ZNF616: variants seen among roughly 807,000 people sequenced by gnomAD.
The protein encoded by ZNF616 is zinc finger protein 616.
ZNF616 carries 5 observed loss-of-function variants against 7.6 expected under a neutral mutation model. The ratio of observed to expected loss-of-function variants is 0.66; its 90% CI spans 0.34 to 1.38. The LOEUF (loss-of-function observed/expected upper bound fraction) is 1.38. Among genes scored for constraint, ZNF616 ranks in the 40% most tolerant of loss-of-function variants. The probability of loss-of-function intolerance (pLI) is 0.04; values close to 1 mark genes in which losing one functional copy is unlikely to be tolerated. For missense variants in ZNF616, 913 were observed against 948.3 expected, an observed-to-expected ratio of 0.96 and a Z score of 0.49; for synonymous variants, 319 against 317.2, an observed-to-expected ratio of 1.01 and a Z score of -0.06.
intron 1 of ZNF616, among the ~76,000 whole-genome samples, chr19:52,137,721 T>C (rs151302302): frequency 6.6e-6 from 1 of 152,316 alleles, no homozygotes; most frequent in African/African-American, 2.4e-5. Flanking sequence ...TTTACCGCAC[T>C]GGACGCTTTA....
intron 1 of ZNF616, chr19:52,138,461 C>T (rs1241515216): frequency 6.6e-6 from 1 of 152,224 alleles, no homozygotes; most frequent in Non-Finnish European, 1.5e-5. Flanking sequence ...CCAATCAACT[C>T]ACAGCTCATC....
intron 1 of ZNF616, among the ~76,000 whole-genome samples, chr19:52,136,419 A>T (rs565057970): frequency 6.6e-6 from 1 of 152,174 alleles, no homozygotes; most frequent in South Asian, 2.1e-4. Context: ...ATTGCACTCC[A>T]GCCTGGGCAA....
At chr19:52,126,747 C>T (rs1291787749) in intron 2 of ZNF616, among the ~76,000 whole-genome samples, 3 of 151,832 alleles carry the variant, frequency 2.0e-5, no homozygotes, top group East Asian at 1.9e-4. Flanking sequence ...CCAGCCTGGG[C>T]GACAGAGCGA....
chr19:52,115,190 G>A lies in ZNF616; in HGVS notation c.1974C>T (p.Asp658=), dbSNP rs116729342. The part of the protein sequence containing the change: ...LRLHQTVHTG[D]RPYKCNECGK... ...CACACTCATTACATTTGTAAGGTCT[G>A]TCTCCAGTATGAACAGTCTGATGAA... is the stretch of plus-strand genomic sequence containing the variant. Residue 658 remains aspartate (D), a synonymous_variant, in exon 4 of 4, where the codon GAC becomes GAT. Transcript: ENST00000600228. The A allele has an allele frequency of 5.4e-4, 873 of 1,614,114 alleles. 5 individuals carry two copies. In the African/African-American group the frequency reaches 0.01, roughly 19 times the overall value.
In ZNF616 at chr19:52,115,347, T is replaced by C. The variant is rs1315629885; in HGVS notation, c.1817A>G (p.Lys606Arg). 6.2e-7 allele frequency: 1 copy of C among 1,613,976 alleles called. No individual in the cohort carries two copies. Among genetic ancestry groups the C allele is most frequent in the East Asian group, 2.2e-5 (1 of 44,882 alleles). Residue 606 changes from lysine (K) to arginine (R), a missense_variant, in exon 4 of 4, where the codon AAA (lysine) becomes AGA (arginine). Transcript: ENST00000600228. ...RRVHTGEKPYKCHECGKAFNQ... is the reference protein window; with the variant it reads ...RRVHTGEKPYRCHECGKAFNQ... ...AAAGGCTTTGCCACATTCATGACAT[T>C]TGTATGGTTTCTCTCCAGTATGAAC...
rs887581722 is a variant in ZNF616 at position 52,134,403 on chromosome 19, G to A, written c.-76-3815C>T. The stretch of plus-strand genomic sequence containing the variant: ...CTGGTAAATGTGTTTCTCTAAGTTC[G>A]GTGAGCCATCCTAGCAAATTAATCA... On this transcript the variant is annotated intron_variant, in intron 1 of 3. Coordinates refer to ENST00000600228, the MANE Select transcript of ZNF616 (RefSeq NM_178523.5). 7.9e-5 allele frequency among the ~76,000 whole-genome samples: 12 copies of A among 152,242 alleles called. 1 individual carries two copies. The highest frequency in any genetic ancestry group is 1.3e-4 in the Admixed American group (2 of 15,288).
chr19:52,118,439 T>C (rs1335506147), intron 3 of ZNF616, among the ~76,000 whole-genome samples: 1 of 152,226 alleles, frequency 6.6e-6, no homozygotes, highest in Non-Finnish European at 1.5e-5. Context: ...AAAATTCCTA[T>C]GTTGAGGACC....
chr19:52,135,832 A>G (rs560772016), intron 1 of ZNF616, among the ~76,000 whole-genome samples: 3 of 152,286 alleles, frequency 2.0e-5, no homozygotes, highest in African/African-American at 7.2e-5. Flanking sequence ...TGCCTTTTAA[A>G]GTTCTTTGAT....
chr19:52,115,270 GTT>G lies in ZNF616; in HGVS notation c.1892_1893del (p.Lys631ThrfsTer12). On this transcript the variant is annotated frameshift_variant, in exon 4 of 4. Transcript: ENST00000600228. LOFTEE classifies it low-confidence loss of function (END_TRUNC). Reference protein sequence around the residue: ...NRHQRIHTGEKPYKCNQCGNS... With the variant: ...NRHQRIHTGEXPYKCNQCGNS... ...TTCCCACACTGATTGCATTTGTAAG[GTT>G]TCTCTCCGGTATGAATTCTCTGATG... 3 of 1,614,092 alleles carry G rather than the reference GTT, an allele frequency of 1.9e-6. No homozygotes were observed. Among genetic ancestry groups the G allele is most frequent in the Non-Finnish European group, 2.5e-6 (3 of 1,180,012 alleles).
intron 1 of ZNF616, among the ~76,000 whole-genome samples, chr19:52,136,267 G>A (rs906089724): frequency 2.6e-5 from 4 of 151,940 alleles, no homozygotes; most frequent in Non-Finnish European, 5.9e-5. Context: ...GATCACCTGT[G>A]GTCAGGAGTT....
chr19:52,125,234 C>T (rs1344407487), intron 2 of ZNF616, among the ~76,000 whole-genome samples: 1 of 152,188 alleles, frequency 6.6e-6, no homozygotes, highest in East Asian at 1.9e-4. Context: ...TAGTCTACAG[C>T]TGCATCTAAC....
At position 52,115,308 on chromosome 19, in the gene ZNF616, G is replaced by A. The variant is rs771379212; in HGVS notation, c.1856C>T (p.Thr619Ile). 6.2e-7 allele frequency: 1 copy of A among 1,613,884 alleles called. No homozygotes were observed. The highest frequency in any genetic ancestry group is 1.3e-5 in the African/African-American group (1 of 74,856). ...ATGAATTCTCTGATGTCTATTGAGT[G>A]TGGAGCCCTGATTAAAGGCTTTGCC... ...ECGKAFNQGS[T>I]LNRHQRIHTG... is the part of the protein sequence containing the mutation. The change falls in exon 4 of 4, where the codon ACA (threonine) becomes ATA (isoleucine). Residue 619 changes from threonine to isoleucine, a missense_variant. Physicochemically the swap from Thr to Ile is moderately conservative, Grantham distance 89. Coordinates refer to ENST00000600228, the MANE Select transcript of ZNF616 (RefSeq NM_178523.5).
intron 2 of ZNF616, among the ~76,000 whole-genome samples, chr19:52,128,407 A>G (rs1311691095): frequency 1.3e-5 from 2 of 152,136 alleles, no homozygotes; most frequent in African/African-American, 4.8e-5. Context: ...TTTAAAATAT[A>G]TATGCCTTGA....
intron 3 of ZNF616, 125 bp downstream of exon 3, chr19:52,123,798 C>G: frequency 1.7e-6 from 2 of 1,206,064 alleles, no homozygotes; most frequent in Admixed American, 2.1e-5. Context: ...CATTGTGAAG[C>G]TTTTTATTTT....
intron 1 of ZNF616, among the ~76,000 whole-genome samples, chr19:52,133,166 A>C (rs1339781266): frequency 6.6e-6 from 1 of 152,202 alleles, no homozygotes; most frequent in Non-Finnish European, 1.5e-5. Context: ...CAAGAAGTGA[A>C]GACGGAGAGT....
rs1294319294 is a variant in ZNF616, at chr19:52,114,917, C to T, written c.2247G>A (p.Glu749=). The T allele has an allele frequency of 6.2e-7, 1 of 1,614,144 alleles. No individual in the cohort carries two copies. Among genetic ancestry groups the T allele is most frequent in the Admixed American group, 1.7e-5 (1 of 60,006 alleles). Residue 749 remains glutamate (E), a synonymous_variant, in exon 4 of 4, where the codon GAG becomes GAA. Coordinates refer to ENST00000600228, the MANE Select transcript of ZNF616 (RefSeq NM_178523.5). ...HSGKKPYKCN[E]CGKSFICRSG... Reference sequence around the variant, plus strand: ...AGCGACAAATAAAAGATTTCCCACACTCATTACATTTATAAGGTTTTTTGC... The same window carrying T: ...AGCGACAAATAAAAGATTTCCCACATTCATTACATTTATAAGGTTTTTTGC...
intron 2 of ZNF616, among the ~76,000 whole-genome samples, chr19:52,128,831 G>A (rs1035463673): frequency 1.3e-5 from 2 of 149,568 alleles, no homozygotes; most frequent in African/African-American, 5.0e-5. Context: ...TATACAACAT[G>A]GTATTATGGT....
chr19:52,116,933 A>T lies in ZNF616; in HGVS notation c.231T>A (p.His77Gln), dbSNP rs767661768. The change falls in exon 4 of 4, where the codon CAT (histidine) becomes CAA (glutamine). Residue 77 changes from histidine to glutamine, a missense_variant. Coordinates refer to ENST00000600228, the MANE Select transcript of ZNF616 (RefSeq NM_178523.5). ...ERFQTVALER[H>Q]QSYDIENLYF... ...ATAAATTTTCAATATCATAGCTTTGATGTCTTTCCAGTGCCACTGTTTGGA... is the reference window on the plus strand; with the variant it reads ...ATAAATTTTCAATATCATAGCTTTGTTGTCTTTCCAGTGCCACTGTTTGGA... The T allele has an allele frequency of 2.5e-6, 4 of 1,613,754 alleles. No homozygotes were observed. In the East Asian group the frequency reaches 8.9e-5, roughly 36 times the overall value.
Position 52,114,949 on chromosome 19 carries a change from G to T in ZNF616, c.2215C>A (p.His739Asn), listed in dbSNP as rs371337850. The change falls in exon 4 of 4, where the codon CAT (histidine) becomes AAT (asparagine). Residue 739 changes from histidine (H) to asparagine (N), a missense_variant. Coordinates refer to ENST00000600228, the MANE Select transcript of ZNF616 (RefSeq NM_178523.5). ...CATTTATAAGGTTTTTTGCCAGAAT[G>T]AATTCTTTGGTGTTTGCTGAGGGAA... Reference protein sequence around the residue: ...LFSLSKHQRIHSGKKPYKCNE... With the variant: ...LFSLSKHQRINSGKKPYKCNE... 11 of 1,614,012 alleles carry T rather than the reference G, an allele frequency of 6.8e-6. No homozygotes were observed. In the African/African-American group the frequency reaches 1.5e-4, roughly 22 times the overall value.
Sources: allele counts gnomAD v4.1 joint callset (sites outside exome capture counted in the v4.1 genomes callset), GRCh38; gene constraint gnomAD v4.1.1; transcripts MANE v1.5; gene names NCBI Gene and HGNC (gene_info 2026-07-23, HGNC 2026-07-21).